Variants in DARS1 observed in about 807,000 individuals in gnomAD.
The protein encoded by DARS1 is aspartate--tRNA ligase, cytoplasmic.
Under a neutral mutation model 68.8 loss-of-function variants are expected in DARS1, and 51 were observed. That is an observed-to-expected ratio of 0.74 (90% CI 0.59 to 0.94). DARS1 has a LOEUF of 0.94. DARS1 is among the 40% of genes least tolerant of loss of function. The pLI is 0.00. For missense variants in DARS1, 607 were observed against 597.3 expected, an observed-to-expected ratio of 1.02 and a Z score of -0.17; for synonymous variants, 203 against 190.4, an observed-to-expected ratio of 1.07 and a Z score of -0.55.
chr2:135,916,201 T>C (rs1558777548), intron 11 of DARS1, 25 bp downstream of exon 11: 1 of 1,418,904 alleles, frequency 7.0e-7, no homozygotes, highest in Admixed American at 1.8e-5. Context: ...GAACTTAAAG[T>C]AAAAAAAAAG....
At chr2:135,956,909 G>A (rs771390357) in intron 4 of DARS1, among the ~76,000 whole-genome samples, 20 of 151,754 alleles carry the variant, frequency 1.3e-4, no homozygotes, top group African/African-American at 4.6e-4. Context: ...GATTAGAGGC[G>A]CCTACCACCA....
At chr2:135,959,671 T>C (rs988857902) in intron 4 of DARS1, among the ~76,000 whole-genome samples, 2 of 152,010 alleles carry the variant, frequency 1.3e-5, no homozygotes, top group Non-Finnish European at 2.9e-5. Context: ...ATTTGCGGAG[T>C]ACTTTAACGT....
chr2:135,955,143 C>G (rs1179904338), intron 4 of DARS1, among the ~76,000 whole-genome samples: 1 of 109,596 alleles, frequency 9.1e-6, no homozygotes, highest in Admixed American at 9.5e-5. Context: ...TTACCACCAC[C>G]AAAAAAAAAA....
intron 1 of DARS1, among the ~76,000 whole-genome samples, chr2:135,985,020 G>T (rs964599341): frequency 6.6e-6 from 1 of 152,232 alleles, no homozygotes; most frequent in East Asian, 1.9e-4. Flanking sequence ...AGGAACACGA[G>T]GGCTGAGTAC....
At chr2:135,951,761 C>A (rs1681843543) in intron 4 of DARS1, among the ~76,000 whole-genome samples, 1 of 152,206 alleles carries the variant, frequency 6.6e-6, no homozygotes, top group Non-Finnish European at 1.5e-5. Context: ...TCTGGTGTTA[C>A]AACTTTCCCT....
intron 4 of DARS1, among the ~76,000 whole-genome samples, chr2:135,945,357 A>G (rs577562364): frequency 6.6e-6 from 1 of 152,108 alleles, no homozygotes; most frequent in South Asian, 2.1e-4. Flanking sequence ...TGAACTCCTG[A>G]CCTCAGGTGA....
At chr2:135,957,007 C>T (rs991445982) in intron 4 of DARS1, among the ~76,000 whole-genome samples, 12 of 151,990 alleles carry the variant, frequency 7.9e-5, no homozygotes, top group African/African-American at 2.9e-4. Context: ...TCAGATGATA[C>T]ACCCACCTTG....
chr2:135,947,026 C>T (rs1008942307), intron 4 of DARS1, among the ~76,000 whole-genome samples: 1 of 152,192 alleles, frequency 6.6e-6, no homozygotes, highest in Admixed American at 6.5e-5. Flanking sequence ...AAGTGATCCA[C>T]CTGCCTCTGC....
chr2:135,952,821 T>C (rs1222471607), intron 4 of DARS1, among the ~76,000 whole-genome samples: 4 of 152,242 alleles, frequency 2.6e-5, no homozygotes, highest in Non-Finnish European at 4.4e-5. Flanking sequence ...TGAATGGTGC[T>C]GCAATAAATA....
intron 2 of DARS1, 60 bp from the exon 3 acceptor site, chr2:135,979,426 AAG>A: frequency 1.2e-6 from 1 of 810,832 alleles, no homozygotes; most frequent in Non-Finnish European, 2.1e-6. Flanking sequence ...AGAATTTACA[AAG>A]AGATCATAAT....
Position 135,938,422 on chromosome 2 carries a change from C to T in DARS1, c.424-4432G>A, listed in dbSNP as rs761132901. On this transcript the variant is annotated intron_variant, in intron 5 of 15. Transcript: ENST00000264161. ...TTTTTCAAGGTTTTTAGCTTCTTTG[C>T]GATGTATTCAAACATCCTCCTTTAG... Among the ~76,000 whole-genome samples, 11 of 152,150 alleles carry T rather than the reference C, an allele frequency of 7.2e-5. No homozygotes were observed. In the East Asian group the frequency reaches 1.4e-3, roughly 19 times the overall value.
chr2:135,979,034 A>T, intron 3 of DARS1: 1 of 346,162 alleles, frequency 2.9e-6, no homozygotes, highest in Non-Finnish European at 5.1e-6. Flanking sequence ...GAGCGATGCT[A>T]GAAAAGTAGC....
chr2:135,944,743 A>C (rs747343328), intron 4 of DARS1, among the ~76,000 whole-genome samples: 19 of 152,192 alleles, frequency 1.2e-4, no homozygotes, highest in Non-Finnish European at 2.4e-4. Flanking sequence ...TGAGGCTTGA[A>C]GGGATCAAGA....
intron 3 of DARS1, among the ~76,000 whole-genome samples, chr2:135,961,720 G>A (rs1344339162): frequency 1.3e-5 from 2 of 152,134 alleles, no homozygotes; most frequent in African/African-American, 4.8e-5. Flanking sequence ...AACAAGAAAT[G>A]CTTTCAACTT....
In DARS1 at chr2:135,985,589, C is replaced by G. The variant is rs757552201; in HGVS notation, c.-121G>C. On this transcript the variant is annotated 5_prime_UTR_variant, in exon 1 of 16. Transcript: ENST00000264161. Reference sequence around the variant, plus strand: ...CCCGACCCTGGGGTCTCAGCACACGCGCTCGGACTCCGCGTGGAGGTGCGG... The same window carrying G: ...CCCGACCCTGGGGTCTCAGCACACGGGCTCGGACTCCGCGTGGAGGTGCGG... 3.2e-6 allele frequency: 5 copies of G among 1,551,536 alleles called. No homozygotes were observed. Among genetic ancestry groups the G allele is most frequent in the Middle Eastern group, 1.7e-4 (1 of 5,940 alleles).
chr2:135,970,113 A>AT (rs2104841452), intron 3 of DARS1, among the ~76,000 whole-genome samples: 1 of 152,266 alleles, frequency 6.6e-6, no homozygotes, highest in East Asian at 1.9e-4. Context: ...ACAGTGGTGC[A>AT]TAACTACAGT....
In DARS1 at chr2:135,920,563, T is replaced by A; in HGVS notation, c.849A>T (p.Leu283=). The A allele has an allele frequency of 6.2e-7, 1 of 1,613,590 alleles. No individual in the cohort carries two copies. The highest frequency in any genetic ancestry group is 2.2e-5 in the East Asian group (1 of 44,794). ...RAEDSNTHRH[L]TEFVGLDIEM... is the part of the protein sequence containing the mutation. Reference sequence around the variant, plus strand: ...CAATGTCCAAACCAACAAACTCAGTTAGATGTCTATGGGTATTAGAGTCTT... The same window carrying A: ...CAATGTCCAAACCAACAAACTCAGTAAGATGTCTATGGGTATTAGAGTCTT... The change falls in exon 10 of 16, where the codon CTA becomes CTT. Residue 283 remains leucine, a synonymous_variant. Transcript: ENST00000264161.
chr2:135,922,072 A>G (rs73957070), intron 9 of DARS1, among the ~76,000 whole-genome samples: 2,296 of 152,246 alleles, frequency 0.015, 65 homozygotes, highest in African/African-American at 0.052. Context: ...AATTTGCCAC[A>G]TGATTATGTG....
rs761474565 is a variant in DARS1, at chr2:135,911,195, T to C, written c.1358A>G (p.Lys453Arg). Residue 453 changes from lysine to arginine, a missense_variant, in exon 15 of 16, where the codon AAG becomes AGG. By Grantham distance (26) the Lys-to-Arg change is conservative. Coordinates refer to ENST00000264161, the MANE Select transcript of DARS1 (RefSeq NM_001349.4). ...LHHGIDLEKI[K>R]AYIDSFRFGA... ...AAAGCGGAAGGAATCAATGTAAGCCTTAATTTTCTCCAAATCTGCAAAAAG... is the reference window on the plus strand; with the variant it reads ...AAAGCGGAAGGAATCAATGTAAGCCCTAATTTTCTCCAAATCTGCAAAAAG... 1.3e-6 allele frequency: 2 copies of C among 1,534,662 alleles called. No homozygotes were observed. The highest frequency in any genetic ancestry group is 2.2e-5 in the South Asian group (2 of 89,142).
Sources: gnomAD v4.1 joint callset for allele counts (sites outside exome capture counted in the v4.1 genomes callset) on GRCh38, gnomAD v4.1.1 for gene constraint, MANE v1.5 for transcripts, NCBI Gene and HGNC (gene_info 2026-07-23, HGNC 2026-07-21) for gene names.